The following FSHR variants were observed in gnomAD, a reference collection of about 807,000 sequenced individuals.
The protein encoded by FSHR is follicle stimulating hormone receptor, also known as follicle-stimulating hormone receptor.
A neutral mutation model predicts 52.1 loss-of-function variants in FSHR; 46 were observed. The ratio of observed to expected loss-of-function variants is 0.88; its 90% confidence interval spans 0.70 to 1.13. FSHR has a LOEUF of 1.13. FSHR is among the 50% of genes most tolerant of loss of function. The pLI is 0.00. For synonymous variants in FSHR, 399 were observed against 309.6 expected (o/e 1.29, Z -3.03); for missense variants, 964 against 834.6 (o/e 1.16, Z -1.91).
chr2:49,029,719 A>T (rs1211159209), intron 2 of FSHR, among the ~76,000 whole-genome samples: 2 of 152,102 alleles, frequency 1.3e-5, no homozygotes, highest in African/African-American at 4.8e-5. Flanking sequence ...TTATTATTTC[A>T]CTGGAGTCAG....
At chr2:49,067,919 A>G (rs1354339877) in intron 2 of FSHR, among the ~76,000 whole-genome samples, 2 of 151,906 alleles carry the variant, frequency 1.3e-5, no homozygotes, top group African/African-American at 4.8e-5. Context: ...ATGTCTGCAG[A>G]AAAGAAGAGG....
At chr2:49,090,481 G>C (rs988844058) in intron 1 of FSHR, among the ~76,000 whole-genome samples, 1 of 152,196 alleles carries the variant, frequency 6.6e-6, no homozygotes, top group Non-Finnish European at 1.5e-5. Flanking sequence ...GTATTCCACT[G>C]TATGAATATA....
chr2:49,132,564 G>A (rs1438977714), intron 1 of FSHR, among the ~76,000 whole-genome samples: 3 of 152,100 alleles, frequency 2.0e-5, no homozygotes, highest in Non-Finnish European at 4.4e-5. Flanking sequence ...TTTAGGACAT[G>A]CATACTGAAT....
chr2:49,145,885 G>T (rs1672852288), intron 1 of FSHR, among the ~76,000 whole-genome samples: 1 of 152,052 alleles, frequency 6.6e-6, no homozygotes, highest in Non-Finnish European at 1.5e-5. Context: ...TGGAGTAGGA[G>T]AATATATTCA....
intron 1 of FSHR, among the ~76,000 whole-genome samples, chr2:49,135,056 C>T (rs1672437340): frequency 6.6e-6 from 1 of 151,944 alleles, no homozygotes; most frequent in Non-Finnish European, 1.5e-5. Flanking sequence ...CCTAAACTAT[C>T]AATCTAGACA....
chr2:49,014,115 A>G (rs1223735543), intron 4 of FSHR, among the ~76,000 whole-genome samples: 1 of 152,140 alleles, frequency 6.6e-6, no homozygotes, highest in East Asian at 1.9e-4. Flanking sequence ...TTTATTGTTT[A>G]AGCTACACAA....
chr2:49,000,103 C>A (rs1676189394), intron 4 of FSHR, among the ~76,000 whole-genome samples: 1 of 152,062 alleles, frequency 6.6e-6, no homozygotes, highest in Non-Finnish European at 1.5e-5. Context: ...GGTGAAAGGG[C>A]AGACTATGTC....
intron 2 of FSHR, among the ~76,000 whole-genome samples, chr2:49,029,265 G>A (rs1443168877): frequency 6.6e-6 from 1 of 152,202 alleles, no homozygotes; most frequent in East Asian, 1.9e-4. Context: ...CGTGGCTGCT[G>A]TTTATTGAAT....
intron 1 of FSHR, among the ~76,000 whole-genome samples, chr2:49,148,981 G>A (rs1165724355): frequency 6.6e-6 from 1 of 151,910 alleles, no homozygotes; most frequent in Non-Finnish European, 1.5e-5. Flanking sequence ...AAGAGGGATT[G>A]ATAAGAAAGA....
chr2:49,030,599 G>A (rs1558400567), intron 2 of FSHR, among the ~76,000 whole-genome samples: 1 of 152,102 alleles, frequency 6.6e-6, no homozygotes, highest in African/African-American at 2.4e-5. Flanking sequence ...ACATTTGGCT[G>A]CTTTTGTATT....
chr2:49,021,886 T>TATATATATATATAAAG (rs1273265515), intron 2 of FSHR, among the ~76,000 whole-genome samples: 4 of 25,124 alleles, frequency 1.6e-4, no homozygotes, highest in African/African-American at 5.9e-4. Context: ...TATATATATA[T>TATATATATATATAAAG]AGAGAGAGAG....
Position 49,154,509 on chromosome 2 carries a change from G to A in FSHR, c.-92C>T. The stretch of plus-strand genomic sequence containing the variant: ...GCTCCACACAGTGCCCTTATGAGAA[G>A]AGATCTGACTTGAGAACTGGTAGGG... On this transcript the variant is annotated 5_prime_UTR_variant, in exon 1 of 10. Transcript: ENST00000406846. 2.3e-6 allele frequency: 3 copies of A among 1,331,118 alleles called. No individual in the cohort carries two copies. The highest frequency in any genetic ancestry group is 1.8e-5 in the Admixed American group (1 of 56,866). The allele number at this position is 1,331,118 out of a possible 1,614,324, so 82.5% of individuals were successfully genotyped here.
chr2:48,964,352 A>G (rs923159929), intron 9 of FSHR, among the ~76,000 whole-genome samples: 8 of 152,160 alleles, frequency 5.3e-5, no homozygotes, highest in Admixed American at 2.0e-4. Context: ...ACATATTCCT[A>G]TTCGTCTACA....
intron 1 of FSHR, among the ~76,000 whole-genome samples, chr2:49,145,137 A>G (rs1209072743): frequency 1.3e-5 from 2 of 152,138 alleles, no homozygotes; most frequent in Non-Finnish European, 2.9e-5. Context: ...CAATACAAGT[A>G]GTTTTGGAAA....
At chr2:49,133,993 A>C (rs991789829) in intron 1 of FSHR, among the ~76,000 whole-genome samples, 1 of 152,226 alleles carries the variant, frequency 6.6e-6, no homozygotes, top group Admixed American at 6.5e-5. Flanking sequence ...AATACCATTA[A>C]GACCACAGGC....
intron 2 of FSHR, among the ~76,000 whole-genome samples, chr2:49,052,599 C>T (rs1482440246): frequency 1.3e-5 from 2 of 152,150 alleles, no homozygotes; most frequent in African/African-American, 4.8e-5. Context: ...AAGAAGAGAA[C>T]CACTCAACGT....
intron 2 of FSHR, among the ~76,000 whole-genome samples, chr2:49,061,858 T>C (rs1669322008): frequency 7.0e-6 from 1 of 142,802 alleles, no homozygotes; most frequent in South Asian, 2.1e-4. Flanking sequence ...ATAAATATAA[T>C]ATATTTATAT....
intron 2 of FSHR, among the ~76,000 whole-genome samples, chr2:49,050,688 A>G (rs914737718): frequency 8.5e-5 from 13 of 152,140 alleles, no homozygotes; most frequent in African/African-American, 3.1e-4. Context: ...GTGTGAGTTA[A>G]CTGAGATGTA....
At chr2:48,975,058 G>A (rs1443086149) in intron 8 of FSHR, among the ~76,000 whole-genome samples, 1 of 152,128 alleles carries the variant, frequency 6.6e-6, no homozygotes, top group Non-Finnish European at 1.5e-5. Context: ...TTGTGACCAC[G>A]ATAGTTAATT....
Sources: allele counts gnomAD v4.1 joint callset (sites outside exome capture counted in the v4.1 genomes callset), GRCh38; gene constraint gnomAD v4.1.1; transcripts MANE v1.5; gene names NCBI Gene and HGNC (gene_info 2026-07-23, HGNC 2026-07-21).